The following SEC23IP variants were observed in gnomAD, a reference collection of about 807,000 sequenced individuals.
SEC23IP encodes SEC23 interacting protein.
SEC23IP carries 70 observed loss-of-function variants against 113.4 expected under a neutral mutation model. That is an observed-to-expected ratio of 0.62 (90% CI 0.51 to 0.75). The LOEUF (loss-of-function observed/expected upper bound fraction) is 0.75, where lower values mean the gene tolerates loss of function less well. Among genes scored for constraint, SEC23IP ranks in the 30% least tolerant of loss-of-function variants. The pLI is 0.00. For missense variants in SEC23IP, 1,160 were observed against 1,204.9 expected (o/e 0.96, Z 0.55); for synonymous variants, 398 against 421.0 (o/e 0.95, Z 0.67).
In SEC23IP at chr10:119,941,014, A is replaced by G. The variant is rs1235237003; in HGVS notation, c.*449A>G. 6.6e-6 allele frequency: 1 copy of G among 152,200 alleles called. No individual in the cohort carries two copies. Among genetic ancestry groups the G allele is most frequent in the African/African-American group, 2.4e-5 (1 of 41,444 alleles). The allele number at this position is 152,200 out of a possible 1,614,324, so 9.4% of individuals were successfully genotyped here. Reference sequence around the variant, plus strand: ...TTATTCAAGTATGAACTTGTTGAGAAACTATAGTAATATGATTTTTAAGAG... The same window carrying G: ...TTATTCAAGTATGAACTTGTTGAGAGACTATAGTAATATGATTTTTAAGAG... On this transcript the variant is annotated 3_prime_UTR_variant, in exon 19 of 19. Transcript: ENST00000369075.
At chr10:119,899,983 T>TC (rs1192443203) in intron 2 of SEC23IP, among the ~76,000 whole-genome samples, 1 of 151,336 alleles carries the variant, frequency 6.6e-6, no homozygotes, top group Non-Finnish European at 1.5e-5. Flanking sequence ...TCTTCCCCCA[T>TC]CCCTTTCTCC....
chr10:119,894,783 A>T (rs1217600697), intron 1 of SEC23IP, among the ~76,000 whole-genome samples: 1 of 151,998 alleles, frequency 6.6e-6, no homozygotes, highest in Non-Finnish European at 1.5e-5. Context: ...CTTCCTTGCT[A>T]TGTAGTGTTT....
At chr10:119,896,912 C>T (rs1207750973) in intron 1 of SEC23IP, among the ~76,000 whole-genome samples, 1 of 152,100 alleles carries the variant, frequency 6.6e-6, no homozygotes, top group African/African-American at 2.4e-5. Context: ...CAAGTAGACA[C>T]AAGGCCTTGT....
rs370106154 is a variant in SEC23IP, at chr10:119,912,210, A to G, written c.1312+46A>G. The G allele has an allele frequency of 2.8e-4, 438 of 1,574,716 alleles. 6 individuals carry two copies. In the South Asian group the frequency reaches 4.6e-3, roughly 16 times the overall value. Reference sequence around the variant, plus strand: ...ACTGAGGTCTGTTTTAGTCCTCTCCATTTTAGCATCATTCTTTAGAATGAT... The same window carrying G: ...ACTGAGGTCTGTTTTAGTCCTCTCCGTTTTAGCATCATTCTTTAGAATGAT... On this transcript the variant is annotated intron_variant, in intron 6 of 18. Coordinates refer to ENST00000369075, the MANE Select transcript of SEC23IP (RefSeq NM_007190.4).
rs75634904 is a variant in SEC23IP at position 119,920,276 on chromosome 10, C to G, written c.2026-613C>G. On this transcript the variant is annotated intron_variant, in intron 11 of 18. Coordinates refer to ENST00000369075, the MANE Select transcript of SEC23IP (RefSeq NM_007190.4). ...TATTTCCTATAGAGAAATATTCAAA[C>G]AAGAATTATCTACAAGGATACTCAC... Among the ~76,000 whole-genome samples, 419 of 152,210 alleles carry G rather than the reference C, an allele frequency of 2.8e-3. 3 individuals carry two copies. The highest frequency in any genetic ancestry group is 9.6e-3 in the African/African-American group (397 of 41,530).
intron 18 of SEC23IP, among the ~76,000 whole-genome samples, chr10:119,937,352 A>G (rs893660258): frequency 1.3e-5 from 2 of 151,834 alleles, no homozygotes; most frequent in Admixed American, 1.3e-4. Flanking sequence ...TACGCTGGGC[A>G]TGATGGCTCA....
chr10:119,898,319 G>A (rs1435100263), intron 1 of SEC23IP, 108 bp from the exon 2 acceptor site: 1 of 1,354,650 alleles, frequency 7.4e-7, no homozygotes, highest in Non-Finnish European at 9.5e-7. Context: ...GAAATAGCAA[G>A]TTTGAAGAAC....
At chr10:119,893,053 AGCTT>A in intron 1 of SEC23IP, 108 bp downstream of exon 1, 2 of 1,267,730 alleles carry the variant, frequency 1.6e-6, no homozygotes, top group Non-Finnish European at 2.2e-6. Flanking sequence ...CCCTCTGGAT[AGCTT>A]GCCAGGATCA....
chr10:119,900,295 G>A (rs1368027729), intron 2 of SEC23IP, among the ~76,000 whole-genome samples: 2 of 151,014 alleles, frequency 1.3e-5, no homozygotes, highest in Non-Finnish European at 3.0e-5. Context: ...GTGTGTGTGT[G>A]TGTATATATA....
intron 12 of SEC23IP, among the ~76,000 whole-genome samples, chr10:119,924,564 G>A (rs1387222192): frequency 6.6e-5 from 10 of 151,682 alleles, no homozygotes; most frequent in South Asian, 2.1e-4. Flanking sequence ...GATTACAGGC[G>A]CGCGCCACCA....
intron 4 of SEC23IP, among the ~76,000 whole-genome samples, chr10:119,906,348 T>C (rs1194437680): frequency 2.0e-5 from 3 of 148,716 alleles, no homozygotes; most frequent in Non-Finnish European, 4.4e-5. Context: ...TCATAAAAGA[T>C]GTCAATTCTT....
rs141763730 is a variant in SEC23IP, at chr10:119,927,635, C to T, written c.2313+1408C>T. 1.4e-3 allele frequency among the ~76,000 whole-genome samples: 216 copies of T among 152,274 alleles called. 1 individual carries two copies. The highest frequency in any genetic ancestry group is 4.7e-3 in the African/African-American group (197 of 41,544). ...GTCAGATTAGGGCCACCACAGTGAT[C>T]TCATTTTAACTTGATTACCTTTTTA... On this transcript the variant is annotated intron_variant, in intron 13 of 18. Transcript: ENST00000369075.
intron 1 of SEC23IP, among the ~76,000 whole-genome samples, chr10:119,896,760 T>G (rs1854296660): frequency 6.6e-6 from 1 of 151,466 alleles, no homozygotes; most frequent in Non-Finnish European, 1.5e-5. Context: ...TTCTAAAGGA[T>G]GAAAGATACC....
In SEC23IP at chr10:119,926,134, A is replaced by C. The variant is rs1022600943; in HGVS notation, c.2220A>C (p.Ser740=). 1 of 1,614,042 alleles carries C rather than the reference A, an allele frequency of 6.2e-7. No homozygotes were observed. The highest frequency in any genetic ancestry group is 8.5e-7 in the Non-Finnish European group (1 of 1,180,008). Residue 740 remains serine, a synonymous_variant, in exon 13 of 19, where the codon TCA becomes TCC. Transcript: ENST00000369075. ...CTAAAGACATGGCTTCCCTCCCCTCAGAATCCAATGAGCCAAAGAGGAAAC... is the reference window on the plus strand; with the variant it reads ...CTAAAGACATGGCTTCCCTCCCCTCCGAATCCAATGAGCCAAAGAGGAAAC... The part of the protein sequence containing the change: ...QKTKDMASLP[S]ESNEPKRKLP...
Position 119,919,442 on chromosome 10 carries a change from A to G in SEC23IP, c.1873-2A>G. 1.3e-6 allele frequency: 2 copies of G among 1,578,998 alleles called. No individual in the cohort carries two copies. Among genetic ancestry groups the G allele is most frequent in the Non-Finnish European group, 8.6e-7 (1 of 1,169,548 alleles). On this transcript the variant is annotated splice_acceptor_variant, in intron 10 of 18. Coordinates refer to ENST00000369075, the MANE Select transcript of SEC23IP (RefSeq NM_007190.4). LOFTEE classifies it high-confidence loss of function. Reference sequence around the variant, plus strand: ...ATGTTTTTCATACTTTTTTTTTTAAAGATGCCTGAAGAGCCAAAGCTGACT... The same window carrying G: ...ATGTTTTTCATACTTTTTTTTTTAAGGATGCCTGAAGAGCCAAAGCTGACT...
chr10:119,892,930 C>T lies in SEC23IP; in HGVS notation c.148C>T (p.Leu50=), dbSNP rs141132251. 2.1e-3 allele frequency: 3,391 copies of T among 1,612,998 alleles called. 4 individuals carry two copies. Among genetic ancestry groups the T allele is most frequent in the Non-Finnish European group, 2.6e-3 (3,055 of 1,179,468 alleles). Residue 50 remains leucine (L), a synonymous_variant, in exon 1 of 19, where the codon CTG becomes TTG. Transcript: ENST00000369075. ...VTQASASPAS[L]LLPGEDSTDV... is the part of the protein sequence containing the mutation. ...CCAGGCCTCCGCTTCTCCGGCCTCC[C>T]TGCTCTTACCGGGAGGTAATAAGGG...
chr10:119,940,327 A>C, intron 18 of SEC23IP, among the ~76,000 whole-genome samples: 1 of 151,544 alleles, frequency 6.6e-6, no homozygotes, highest in East Asian at 1.9e-4. Flanking sequence ...AGCTGGGATT[A>C]CAGGCACCCG....
chr10:119,926,395 A>G (rs774313804), intron 13 of SEC23IP, among the ~76,000 whole-genome samples, 168 bp downstream of exon 13: 2 of 152,232 alleles, frequency 1.3e-5, no homozygotes, highest in African/African-American at 2.4e-5. Flanking sequence ...AGTGCTCACA[A>G]TAAGGGATTA....
intron 13 of SEC23IP, among the ~76,000 whole-genome samples, chr10:119,927,697 A>G (rs1855468402): frequency 6.6e-6 from 1 of 152,228 alleles, no homozygotes. Flanking sequence ...ATTATGAGGT[A>G]TTAGGGGTTA....
Sources: allele counts gnomAD v4.1 joint callset (sites outside exome capture counted in the v4.1 genomes callset), GRCh38; gene constraint gnomAD v4.1.1; transcripts MANE v1.5; gene names NCBI Gene and HGNC (gene_info 2026-07-23, HGNC 2026-07-21).